The following TMEM91 variants were observed in gnomAD, a reference collection of about 807,000 sequenced individuals.
TMEM91 encodes transmembrane protein 91.
In TMEM91, 6 loss-of-function variants were observed where a neutral mutation model predicts 13.3. The observed-to-expected ratio is 0.45, with a 90% CI of 0.25 to 0.89. The LOEUF (loss-of-function observed/expected upper bound fraction) is 0.89, where lower values mean the gene tolerates loss of function less well. Among genes scored for constraint, TMEM91 ranks in the 40% least tolerant of loss-of-function variants. TMEM91 has a pLI of 0.19. For synonymous variants in TMEM91, 87 were observed against 101.7 expected (o/e 0.86, Z 0.87); for missense variants, 193 against 228.7 (o/e 0.84, Z 1.01).
chr19:41,369,814 A>G (rs936144034), intron 1 of TMEM91, among the ~76,000 whole-genome samples: 9 of 152,096 alleles, frequency 5.9e-5, no homozygotes, highest in Non-Finnish European at 1.3e-4. Context: ...TCTCAAAATA[A>G]ATAAATAAAA....
upstream of TMEM91, among the ~76,000 whole-genome samples, chr19:41,375,009 A>G (rs777103972): frequency 3.4e-4 from 52 of 152,122 alleles, no homozygotes; most frequent in Non-Finnish European, 6.0e-4. Flanking sequence ...GAGCCTGGAA[A>G]GGAAACCAGG....
chr19:41,379,609 GAGAGAGAA>G (rs955612327), intron 2 of TMEM91, among the ~76,000 whole-genome samples: 1 of 148,856 alleles, frequency 6.7e-6, no homozygotes, highest in Non-Finnish European at 1.5e-5. Context: ...AAAGAAAAGA[GAGAGAGAA>G]AGAGAGAAAG....
intron 3 of TMEM91, 53 bp downstream of exon 3, chr19:41,382,974 A>G (rs774826817): frequency 6.3e-7 from 1 of 1,594,028 alleles, no homozygotes; most frequent in Admixed American, 1.8e-5. Flanking sequence ...AGAAAAATGC[A>G]CCACAAAAAC....
chr19:41,378,810 T>TTGTG (rs755303325), intron 2 of TMEM91, among the ~76,000 whole-genome samples: 1 of 148,088 alleles, frequency 6.8e-6, no homozygotes, highest in East Asian at 2.0e-4. Context: ...GTCTCCCTCT[T>TTGTG]TGTGTGTGTG....
At chr19:41,379,888 CTTTTTTTTT>C (rs59525203) in intron 2 of TMEM91, among the ~76,000 whole-genome samples, 1 of 75,136 alleles carries the variant, frequency 1.3e-5, no homozygotes, top group South Asian at 5.1e-4. Context: ...TTAGGGCTTC[CTTTTTTTTT>C]TTTTTTTTTT....
intron 2 of TMEM91, among the ~76,000 whole-genome samples, chr19:41,379,252 A>G (rs2038811786): frequency 6.7e-6 from 1 of 149,106 alleles, no homozygotes; most frequent in Non-Finnish European, 1.5e-5. Flanking sequence ...AAGGCGAGGC[A>G]GGAGGACTGC....
At chr19:41,378,583 A>T (rs2038787959) in intron 2 of TMEM91, 64 bp downstream of exon 2, 4 of 1,553,256 alleles carry the variant, frequency 2.6e-6, no homozygotes, top group Admixed American at 3.6e-5. Context: ...CACTAAGGCC[A>T]GCATCTGGCA....
upstream of TMEM91, among the ~76,000 whole-genome samples, chr19:41,375,220 A>G (rs891666844): frequency 2.0e-5 from 3 of 150,246 alleles, no homozygotes; most frequent in African/African-American, 7.4e-5. Flanking sequence ...GCTTGGTACC[A>G]GCTGTTTACT....
rs1044816902 is a variant in TMEM91 at position 41,378,438 on chromosome 19, C to T, written c.129C>T (p.Ser43=). 10 of 1,614,030 alleles carry T rather than the reference C, an allele frequency of 6.2e-6. No individual in the cohort carries two copies. In the African/African-American group the frequency reaches 1.1e-4, roughly 17 times the overall value. Residue 43 remains serine (S), a synonymous_variant, in exon 2 of 4, where the codon TCC becomes TCT. Coordinates refer to ENST00000392002, the MANE Select transcript of TMEM91 (RefSeq NM_001098821.2). The part of the protein sequence containing the change: ...SPLREIAFAE[S]LRGLQFLSPP... ...TAAGAGAGATAGCCTTTGCCGAGTC[C>T]CTGAGGGGTTTGCAGTTCCTGTCAC...
At chr19:41,382,677 G>A (rs952135930) in intron 2 of TMEM91, 95 bp from the exon 3 acceptor site, 2 of 1,474,390 alleles carry the variant, frequency 1.4e-6, no homozygotes, top group Non-Finnish European at 1.8e-6. Flanking sequence ...GGAAGCCCTA[G>A]GGGCAGGTAT....
In TMEM91 at chr19:41,378,405, G is replaced by T. The variant is rs1279690314; in HGVS notation, c.96G>T (p.Gly32=). The T allele has an allele frequency of 6.2e-7, 1 of 1,614,082 alleles. No individual in the cohort carries two copies. Among genetic ancestry groups the T allele is most frequent in the Non-Finnish European group, 8.5e-7 (1 of 1,180,040 alleles). ...PAQKPGRHEL[G]SPLREIAFAE... is the part of the protein sequence containing the mutation. Reference sequence around the variant, plus strand: ...AGAAGCCTGGCAGGCATGAGCTGGGGTCCCCCTTAAGAGAGATAGCCTTTG... The same window carrying T: ...AGAAGCCTGGCAGGCATGAGCTGGGTTCCCCCTTAAGAGAGATAGCCTTTG... The change falls in exon 2 of 4, where the codon GGG becomes GGT. Residue 32 remains glycine, a synonymous_variant. Transcript: ENST00000392002.
intron 3 of TMEM91, 110 bp downstream of exon 3, chr19:41,383,031 A>G: frequency 6.8e-7 from 1 of 1,464,792 alleles, no homozygotes; most frequent in Non-Finnish European, 9.2e-7. Flanking sequence ...AGCCCAGAGA[A>G]CCTGAACTCA....
intron 2 of TMEM91, among the ~76,000 whole-genome samples, chr19:41,381,572 G>A (rs760013144): frequency 6.6e-5 from 10 of 152,044 alleles, no homozygotes; most frequent in Non-Finnish European, 1.5e-4. Context: ...CACTGTGTTA[G>A]CCAGGACGGT....
At chr19:41,379,137 CTTTTTTTTT>C (rs569382453) in intron 2 of TMEM91, among the ~76,000 whole-genome samples, 17 of 109,070 alleles carry the variant, frequency 1.6e-4, no homozygotes, top group African/African-American at 6.3e-4. Context: ...CCCAGCCTTC[CTTTTTTTTT>C]TTTTTTTTTT....
At chr19:41,382,145 G>A (rs1298478045) in intron 2 of TMEM91, among the ~76,000 whole-genome samples, 1 of 152,126 alleles carries the variant, frequency 6.6e-6, no homozygotes, top group Non-Finnish European at 1.5e-5. Context: ...GGGATTACAG[G>A]TGCAAGCTAC....
chr19:41,378,752 G>T (rs2038793254), intron 2 of TMEM91, among the ~76,000 whole-genome samples: 1 of 152,044 alleles, frequency 6.6e-6, no homozygotes, highest in South Asian at 2.1e-4. Flanking sequence ...GACTCCGCTG[G>T]TTGGTGTCTT....
chr19:41,369,307 A>G (rs2038576349), intron 1 of TMEM91, among the ~76,000 whole-genome samples: 1 of 152,056 alleles, frequency 6.6e-6, no homozygotes, highest in Non-Finnish European at 1.5e-5. Context: ...CCTCCCAAGT[A>G]GCTGGGATTG....
intron 2 of TMEM91, 132 bp from the exon 3 acceptor site, chr19:41,382,640 A>G: frequency 7.7e-7 from 1 of 1,293,386 alleles, no homozygotes; most frequent in African/African-American, 1.5e-5. Context: ...CCCATCTCTG[A>G]ACACTTTTTT....
intron 1 of TMEM91, among the ~76,000 whole-genome samples, chr19:41,370,725 G>A (rs1374417555): frequency 6.7e-6 from 1 of 148,248 alleles, no homozygotes; most frequent in Non-Finnish European, 1.5e-5. Context: ...TTTTTTGAGA[G>A]GAAGTCTCAT....
Sources: gnomAD v4.1 joint callset for allele counts (sites outside exome capture counted in the v4.1 genomes callset) on GRCh38, gnomAD v4.1.1 for gene constraint, MANE v1.5 for transcripts, NCBI Gene and HGNC (gene_info 2026-07-23, HGNC 2026-07-21) for gene names.